The following NIPBL variants were observed in gnomAD, a reference collection of about 807,000 sequenced individuals.
The protein encoded by NIPBL is nipped-B-like protein.
A neutral mutation model predicts 321.8 loss-of-function variants in NIPBL; 19 were observed. That is an observed-to-expected ratio of 0.06 (90% CI 0.04 to 0.09). NIPBL has a LOEUF of 0.09. Ranked by LOEUF, NIPBL falls within the 10% of genes least tolerant of loss-of-function variation. NIPBL has a pLI of 1.00. For synonymous variants in NIPBL, 1,106 were observed against 1,114.1 expected (o/e 0.99, Z 0.14); for missense variants, 2,210 against 3,327.0 (o/e 0.66, Z 8.26).
chr5:37,055,317 A>G (rs954653555), intron 42 of NIPBL, among the ~76,000 whole-genome samples: 1 of 147,804 alleles, frequency 6.8e-6, no homozygotes, highest in Non-Finnish European at 1.5e-5. Context: ...GCACCACTGC[A>G]CTCCAGCTGA....
intron 45 of NIPBL, among the ~76,000 whole-genome samples, chr5:37,061,674 T>C (rs1368973699): frequency 1.3e-5 from 2 of 152,166 alleles, no homozygotes; most frequent in Non-Finnish European, 2.9e-5. Context: ...AGTGAAACCC[T>C]GTCTCAAAAA....
chr5:36,971,866 T>G (rs1449749133), intron 7 of NIPBL, 79 bp from the exon 8 acceptor site: 19 of 1,524,470 alleles, frequency 1.2e-5, no homozygotes, highest in African/African-American at 1.1e-4. Context: ...GTAATTTATG[T>G]CTCTTATTGG....
At chr5:37,033,731 T>TATATATATATATA (rs1491233297) in intron 32 of NIPBL, among the ~76,000 whole-genome samples, 1 of 38,264 alleles carries the variant, frequency 2.6e-5, no homozygotes, top group African/African-American at 9.1e-5. Context: ...TATATATATA[T>TATATATATATATA]TTTTTTTTTT....
chr5:37,009,612 A>G (rs554904204), intron 20 of NIPBL, among the ~76,000 whole-genome samples: 25 of 152,350 alleles, frequency 1.6e-4, no homozygotes, highest in African/African-American at 6.0e-4. Flanking sequence ...TTTTTACAAT[A>G]TCTATAGAAC....
chr5:36,893,427 T>A (rs1746496470), intron 1 of NIPBL, among the ~76,000 whole-genome samples: 1 of 152,138 alleles, frequency 6.6e-6, no homozygotes, highest in East Asian at 1.9e-4. Context: ...CTAAGTATAC[T>A]TAAACAAATG....
chr5:36,942,934 C>A (rs1196656000), intron 1 of NIPBL, among the ~76,000 whole-genome samples: 1 of 151,970 alleles, frequency 6.6e-6, no homozygotes, highest in Non-Finnish European at 1.5e-5. Context: ...TTCTTGCTAA[C>A]CTCACTGTGA....
chr5:36,956,321 T>C (rs565552859), intron 3 of NIPBL, among the ~76,000 whole-genome samples: 16 of 152,256 alleles, frequency 1.1e-4, no homozygotes, highest in African/African-American at 3.8e-4. Context: ...CTCATTCTTA[T>C]CCCTTCATAT....
intron 1 of NIPBL, among the ~76,000 whole-genome samples, chr5:36,945,595 A>G (rs1164886410): frequency 6.6e-6 from 1 of 152,186 alleles, no homozygotes; most frequent in Non-Finnish European, 1.5e-5. Context: ...GGCTGCAGAG[A>G]GCTCAGGGTT....
chr5:37,040,192 C>G (rs997215877), intron 34 of NIPBL, among the ~76,000 whole-genome samples: 11 of 152,028 alleles, frequency 7.2e-5, no homozygotes, highest in African/African-American at 2.7e-4. Context: ...GATTTTGAAC[C>G]AGTGATTTTT....
intron 1 of NIPBL, among the ~76,000 whole-genome samples, chr5:36,916,835 C>A (rs1032142955): frequency 1.3e-5 from 2 of 152,080 alleles, no homozygotes; most frequent in African/African-American, 2.4e-5. Flanking sequence ...TGAACTCATC[C>A]TTTTTTATGG....
At chr5:37,004,599 C>A (rs1057122142) in intron 16 of NIPBL, among the ~76,000 whole-genome samples, 8 of 152,094 alleles carry the variant, frequency 5.3e-5, no homozygotes, top group African/African-American at 1.9e-4. Context: ...TAGAGCCAAG[C>A]GCTCACTCTG....
chr5:37,019,200 G>A (rs927936634), intron 24 of NIPBL, 111 bp from the exon 25 acceptor site: 8 of 745,060 alleles, frequency 1.1e-5, no homozygotes, highest in Non-Finnish European at 1.9e-5. Flanking sequence ...TACTGTGGTT[G>A]TATTTTCATT....
intron 21 of NIPBL, among the ~76,000 whole-genome samples, chr5:37,014,182 CAGAGGGAGACCGTGGAAAGAGAGGG>C (rs757106873): frequency 6.6e-4 from 101 of 151,974 alleles, no homozygotes; most frequent in Middle Eastern, 3.4e-3. Context: ...GGCTCGGCAT[CAGAGGGAGACCGTGGAAAGAGAGGG>C]AGAGGGAGAC....
chr5:36,896,859 C>G lies in NIPBL; in HGVS notation c.-80+19681C>G, dbSNP rs151235208. ...AAGTGATCTGCCTGCCTTAGCCTCCCAAAGTGCTGGGATTACAGGCTTGAC... is the reference window on the plus strand; with the variant it reads ...AAGTGATCTGCCTGCCTTAGCCTCCGAAAGTGCTGGGATTACAGGCTTGAC... On this transcript the variant is annotated intron_variant, in intron 1 of 46. Coordinates refer to ENST00000282516, the MANE Select transcript of NIPBL (RefSeq NM_133433.4). Among the ~76,000 whole-genome samples, 232 of 152,278 alleles carry G rather than the reference C, an allele frequency of 1.5e-3. 3 individuals carry two copies. The East Asian group carries it at 0.04, about 26-fold the overall frequency.
chr5:37,063,208 A>G (rs1217116360), intron 45 of NIPBL, among the ~76,000 whole-genome samples: 2 of 152,240 alleles, frequency 1.3e-5, no homozygotes, highest in African/African-American at 4.8e-5. Flanking sequence ...AATCTACTTT[A>G]AAGCAAGTAG....
At chr5:36,897,637 A>G (rs1363593803) in intron 1 of NIPBL, among the ~76,000 whole-genome samples, 2 of 152,190 alleles carry the variant, frequency 1.3e-5, no homozygotes, top group Non-Finnish European at 2.9e-5. Flanking sequence ...CTATGTCAAC[A>G]TTTTCATTTA....
At chr5:36,907,815 C>T (rs902240916) in intron 1 of NIPBL, among the ~76,000 whole-genome samples, 1 of 152,122 alleles carries the variant, frequency 6.6e-6, no homozygotes, top group African/African-American at 2.4e-5. Flanking sequence ...TAAATAAATA[C>T]TTTACAATTT....
At chr5:36,943,139 A>G (rs1029954007) in intron 1 of NIPBL, among the ~76,000 whole-genome samples, 10 of 152,164 alleles carry the variant, frequency 6.6e-5, no homozygotes, top group African/African-American at 2.4e-4. Flanking sequence ...GGAACCTGTG[A>G]ATACGGAAGG....
intron 43 of NIPBL, 74 bp downstream of exon 43, chr5:37,057,406 CATT>C (rs1754212408): frequency 6.4e-6 from 9 of 1,410,534 alleles, no homozygotes; most frequent in South Asian, 4.7e-5. Context: ...TTTTGTTTCT[CATT>C]ATTCTTTTTA....
Sources: gnomAD v4.1 joint callset for allele counts (sites outside exome capture counted in the v4.1 genomes callset) on GRCh38, gnomAD v4.1.1 for gene constraint, MANE v1.5 for transcripts, NCBI Gene and HGNC (gene_info 2026-07-23, HGNC 2026-07-21) for gene names.